The following CNKSR2 variants were observed in gnomAD, a reference collection of about 807,000 sequenced individuals.
CNKSR2 encodes the protein CNK homolog protein 2.
A neutral mutation model predicts 84.4 loss-of-function variants in CNKSR2; 14 were observed. The observed-to-expected ratio is 0.17, with a 90% CI of 0.11 to 0.26. CNKSR2 has a LOEUF of 0.26. CNKSR2 is among the 10% of genes least tolerant of loss of function. CNKSR2 has a pLI of 1.00. For synonymous variants in CNKSR2, 275 were observed against 277.9 expected (o/e 0.99, Z 0.10); for missense variants, 485 against 771.2 (o/e 0.63, Z 4.40).
intron 1 of CNKSR2, among the ~76,000 whole-genome samples, chrX:21,420,931 C>T (rs1443691615): frequency 9.0e-6 from 1 of 110,998 alleles, no homozygotes; most frequent in East Asian, 2.8e-4. Context: ...GTCTCTGGGC[C>T]CTGTTCAGCA....
At chrX:21,556,137 T>C (rs756256898) in intron 11 of CNKSR2, among the ~76,000 whole-genome samples, 3 of 109,987 alleles carry the variant, frequency 2.7e-5, no homozygotes, top group Admixed American at 1.9e-4. Flanking sequence ...ACTACGAAAA[T>C]AGAAACTAAT....
At chrX:21,629,697 G>A (rs770444518) in intron 20 of CNKSR2, among the ~76,000 whole-genome samples, 1 of 111,970 alleles carries the variant, frequency 8.9e-6, no homozygotes, top group Non-Finnish European at 1.9e-5. Flanking sequence ...CCCACAACTC[G>A]TGGGAATTAT....
intron 20 of CNKSR2, among the ~76,000 whole-genome samples, chrX:21,630,016 A>T (rs1181655623): frequency 8.9e-6 from 1 of 112,034 alleles, no homozygotes; most frequent in African/African-American, 3.2e-5. Context: ...TTTGATATCA[A>T]GGGCATTCTG....
chrX:21,577,986 T>C (rs756599228), intron 13 of CNKSR2, among the ~76,000 whole-genome samples: 1 of 111,554 alleles, frequency 9.0e-6, no homozygotes, highest in East Asian at 2.8e-4. Flanking sequence ...CTAAGAACTA[T>C]GTTAAATTGT....
intron 4 of CNKSR2, among the ~76,000 whole-genome samples, chrX:21,465,041 C>T (rs1333294537): frequency 5.4e-5 from 6 of 111,808 alleles, no homozygotes; most frequent in African/African-American, 1.9e-4. Flanking sequence ...TCAGTGTGTT[C>T]ACACACTTTG....
chrX:21,634,070 A>G (rs966874209), intron 20 of CNKSR2, among the ~76,000 whole-genome samples: 2 of 112,147 alleles, frequency 1.8e-5, no homozygotes, highest in African/African-American at 3.2e-5. Flanking sequence ...TACCAAATTA[A>G]TGTTTTTCTT....
intron 8 of CNKSR2, among the ~76,000 whole-genome samples, chrX:21,513,495 A>G (rs763279738): frequency 1.8e-5 from 2 of 112,017 alleles, no homozygotes; most frequent in African/African-American, 3.2e-5. Flanking sequence ...GTATTGATCT[A>G]TTTCACAAGT....
chrX:21,405,200 G>T (rs1256677162), intron 1 of CNKSR2, among the ~76,000 whole-genome samples: 1 of 111,301 alleles, frequency 9.0e-6, no homozygotes, highest in East Asian at 2.8e-4. Context: ...AATCTCATTA[G>T]GATCTTGACT....
chrX:21,559,753 C>A lies in CNKSR2; in HGVS notation c.1304-1718C>A, dbSNP rs761482351. On this transcript the variant is annotated intron_variant, in intron 11 of 21. Transcript: ENST00000379510. ...CTCAAATTCCCTCTGTGTAAAAGAG[C>A]AGAGATATACTGTTGGAGAATTTGG... Among the ~76,000 whole-genome samples the A allele has an allele frequency of 4.5e-5, 5 of 111,512 alleles. No individual in the cohort carries two copies. In the South Asian group the frequency reaches 1.9e-3, roughly 42 times the overall value.
chrX:21,526,790 T>G, intron 9 of CNKSR2, 77 bp from the exon 10 acceptor site: 2 of 703,548 alleles, frequency 2.8e-6, no homozygotes, highest in Non-Finnish European at 4.3e-6. Flanking sequence ...TGTGTCATTG[T>G]TGTTGTTGTT....
intron 17 of CNKSR2, among the ~76,000 whole-genome samples, chrX:21,597,378 A>G (rs753366545): frequency 8.3e-4 from 93 of 111,580 alleles, no homozygotes; most frequent in African/African-American, 2.3e-3. Flanking sequence ...GTGAAAGAAA[A>G]AAAGTGAAAC....
At chrX:21,392,086 G>A (rs2090058739) in intron 1 of CNKSR2, among the ~76,000 whole-genome samples, 1 of 111,600 alleles carries the variant, frequency 9.0e-6, no homozygotes, top group Non-Finnish European at 1.9e-5. Flanking sequence ...TCCATATGAG[G>A]TTACCTCAGC....
intron 13 of CNKSR2, among the ~76,000 whole-genome samples, chrX:21,589,158 A>G (rs1421942584): frequency 8.9e-6 from 1 of 112,483 alleles, no homozygotes; most frequent in African/African-American, 3.2e-5. Flanking sequence ...TACCACATAC[A>G]TACATATTTA....
chrX:21,537,730 C>A (rs778628600), intron 11 of CNKSR2: 1 of 106,907 alleles, frequency 9.4e-6, no homozygotes, highest in African/African-American at 3.4e-5. Context: ...TACTGTCAGT[C>A]GGTATGTGTC....
chrX:21,381,873 A>G (rs2089903955), intron 1 of CNKSR2, among the ~76,000 whole-genome samples: 1 of 111,727 alleles, frequency 9.0e-6, no homozygotes, highest in African/African-American at 3.3e-5. Context: ...AATCACATCA[A>G]ATCCTCAGTT....
intron 4 of CNKSR2, among the ~76,000 whole-genome samples, chrX:21,465,572 T>G (rs935425471): frequency 9.0e-6 from 1 of 111,387 alleles, no homozygotes; most frequent in Non-Finnish European, 1.9e-5. Flanking sequence ...TAAAACAATA[T>G]TTTTATATTA....
chrX:21,455,160 CTT>C (rs996996654), intron 4 of CNKSR2, among the ~76,000 whole-genome samples: 1 of 111,516 alleles, frequency 9.0e-6, no homozygotes, highest in Non-Finnish European at 1.9e-5. Context: ...AAAAAGTAAT[CTT>C]AGTATTTTTC....
At chrX:21,567,662 A>G (rs1187142945) in intron 13 of CNKSR2, among the ~76,000 whole-genome samples, 3 of 111,702 alleles carry the variant, frequency 2.7e-5, no homozygotes, top group African/African-American at 6.5e-5. Flanking sequence ...GCATGTTATG[A>G]CATTTTTCAA....
intron 4 of CNKSR2, among the ~76,000 whole-genome samples, chrX:21,442,960 G>A (rs370484381): frequency 9.5e-4 from 105 of 110,162 alleles, no homozygotes; most frequent in African/African-American, 3.3e-3. Flanking sequence ...TTGAGTACAC[G>A]TGGACACAAG....
Sources: gnomAD v4.1 joint callset for allele counts (sites outside exome capture counted in the v4.1 genomes callset) on GRCh38, gnomAD v4.1.1 for gene constraint, MANE v1.5 for transcripts, NCBI Gene and HGNC (gene_info 2026-07-23, HGNC 2026-07-21) for gene names.